CDC42BPB: variants seen among roughly 807,000 people sequenced by gnomAD.
CDC42BPB encodes CDC42 binding protein kinase beta.
In CDC42BPB, 37 loss-of-function variants were observed where a neutral mutation model predicts 214.9. That is an observed-to-expected ratio of 0.17 (90% CI 0.13 to 0.23). The LOEUF (loss-of-function observed/expected upper bound fraction) is 0.23, where lower values mean the gene tolerates loss of function less well. CDC42BPB is among the 10% of genes least tolerant of loss of function. CDC42BPB has a pLI of 1.00. For synonymous variants in CDC42BPB, 931 were observed against 884.0 expected (o/e 1.05, Z -0.94); for missense variants, 1,694 against 2,227.0 (o/e 0.76, Z 4.82).
chr14:102,998,855 G>A (rs545338202), intron 5 of CDC42BPB, among the ~76,000 whole-genome samples: 1 of 152,290 alleles, frequency 6.6e-6, no homozygotes, highest in South Asian at 2.1e-4. Context: ...TTTCAGGGTG[G>A]TAAGGACAGA....
At chr14:102,984,245 C>T (rs1391581489) in intron 6 of CDC42BPB, among the ~76,000 whole-genome samples, 1 of 152,160 alleles carries the variant, frequency 6.6e-6, no homozygotes, top group Non-Finnish European at 1.5e-5. Flanking sequence ...CAGTGTGATG[C>T]AGGGGCCACA....
intron 21 of CDC42BPB, among the ~76,000 whole-genome samples, chr14:102,957,605 G>A (rs1321796381): frequency 1.3e-5 from 2 of 152,232 alleles, no homozygotes; most frequent in African/African-American, 4.8e-5. Flanking sequence ...TGGATTTCAG[G>A]GAAAAGACAA....
chr14:102,980,073 C>T (rs747448266), intron 8 of CDC42BPB, among the ~76,000 whole-genome samples: 7 of 152,098 alleles, frequency 4.6e-5, no homozygotes, highest in Non-Finnish European at 7.4e-5. Flanking sequence ...ACTGAGAGGC[C>T]GCCACACTGC....
In CDC42BPB at chr14:102,943,632, G is replaced by A. The variant is rs981804636; in HGVS notation, c.4408+259C>T. ...GCCCAGGGGCCTATGCCCGCCGACG[G>A]GGTCCTCTGCTGAGGCCTCTGGAAG... On this transcript the variant is annotated intron_variant, in intron 30 of 36. Transcript: ENST00000361246. The surrounding 1 kb of genome is among the most constrained non-coding windows in gnomAD (Gnocchi z 4.6). Among the ~76,000 whole-genome samples the A allele has an allele frequency of 6.6e-6, 1 of 152,182 alleles. No individual in the cohort carries two copies. Among genetic ancestry groups the A allele is most frequent in the Non-Finnish European group, 1.5e-5 (1 of 68,032 alleles).
chr14:102,957,013 T>C (rs1281176665), intron 21 of CDC42BPB, among the ~76,000 whole-genome samples: 1 of 92,924 alleles, frequency 1.1e-5, no homozygotes, highest in Non-Finnish European at 2.0e-5. Flanking sequence ...ACCCCATCTC[T>C]ACTAAAAATA....
chr14:103,009,597 G>A (rs1886038695), intron 2 of CDC42BPB, among the ~76,000 whole-genome samples: 1 of 152,230 alleles, frequency 6.6e-6, no homozygotes, highest in South Asian at 2.1e-4. Context: ...GCAAAAAAGA[G>A]TACTAAAAAT....
intron 7 of CDC42BPB, 143 bp downstream of exon 7, chr14:102,983,413 T>A (rs1375358982): frequency 3.2e-6 from 4 of 1,263,804 alleles, no homozygotes; most frequent in Non-Finnish European, 4.3e-6. Context: ...CCAATCTGCC[T>A]GTCCCCAGTT....
chr14:102,966,086 G>A (rs1453982483), intron 18 of CDC42BPB, among the ~76,000 whole-genome samples, 196 bp downstream of exon 18: 1 of 152,186 alleles, frequency 6.6e-6, no homozygotes, highest in African/African-American at 2.4e-5. Context: ...TTTGCTAAAC[G>A]AATGAATGCT....
intron 21 of CDC42BPB, among the ~76,000 whole-genome samples, chr14:102,955,339 C>T (rs1298479480): frequency 6.6e-6 from 1 of 152,190 alleles, no homozygotes; most frequent in African/African-American, 2.4e-5. Context: ...ACGACAATCG[C>T]TTGAACCCAG....
At chr14:102,961,308 G>A (rs1015314273) in intron 20 of CDC42BPB, among the ~76,000 whole-genome samples, 15 of 151,676 alleles carry the variant, frequency 9.9e-5, no homozygotes, top group Non-Finnish European at 2.1e-4. Context: ...CTGAAAACTT[G>A]ACACACAAAA....
chr14:102,981,455 T>C (rs1313251844), intron 7 of CDC42BPB, among the ~76,000 whole-genome samples: 1 of 152,088 alleles, frequency 6.6e-6, no homozygotes, highest in Non-Finnish European at 1.5e-5. Context: ...AACTGCAAAT[T>C]ACCTACATGC....
At chr14:103,006,015 CAAAAAAAAAA>C in intron 3 of CDC42BPB, among the ~76,000 whole-genome samples, 1 of 58,164 alleles carries the variant, frequency 1.7e-5, no homozygotes, top group South Asian at 6.0e-4. Context: ...AGAGACGTCT[CAAAAAAAAAA>C]AAAAAAAAAA....
chr14:103,054,292 A>G (rs1289544798), intron 1 of CDC42BPB, among the ~76,000 whole-genome samples: 1 of 152,218 alleles, frequency 6.6e-6, no homozygotes, highest in African/African-American at 2.4e-5. Context: ...AGAATTCTCC[A>G]TAATTGTCAT....
chr14:102,937,437 A>G (rs1044839741), intron 36 of CDC42BPB, among the ~76,000 whole-genome samples: 2 of 152,234 alleles, frequency 1.3e-5, no homozygotes, highest in African/African-American at 4.8e-5. Context: ...AGCTGATGTT[A>G]AAACATCTCA....
At position 102,982,865 on chromosome 14, in the gene CDC42BPB, T is replaced by C. The variant is rs28485538; in HGVS notation, c.891+691A>G. ...CTGTACTCCAGCCTGGGCGACAGAG[T>C]GAGACTCCATCTCAAAAAAGAAAGA... On this transcript the variant is annotated intron_variant, in intron 7 of 36. Transcript: ENST00000361246. Among the ~76,000 whole-genome samples, 664 of 151,536 alleles carry C rather than the reference T, an allele frequency of 4.4e-3. 9 individuals carry two copies. The highest frequency in any genetic ancestry group is 0.016 in the African/African-American group (641 of 41,244).
At chr14:102,967,011 C>G (rs753029154) in intron 17 of CDC42BPB, 35 bp downstream of exon 17, 1 of 1,602,590 alleles carries the variant, frequency 6.2e-7, no homozygotes, top group Non-Finnish European at 8.5e-7. Flanking sequence ...GAGCAGGGAG[C>G]GGATTCACGG....
chr14:102,941,926 C>T (rs1248993246), intron 30 of CDC42BPB, among the ~76,000 whole-genome samples: 1 of 152,230 alleles, frequency 6.6e-6, no homozygotes, highest in African/African-American at 2.4e-5. Context: ...CTCTGAAACT[C>T]ATCTGCATCT....
rs1310084124 is a variant in CDC42BPB at position 102,939,912 on chromosome 14, T to A, written c.4627A>T (p.Ser1543Cys). 2 of 1,613,910 alleles carry A rather than the reference T, an allele frequency of 1.2e-6. No individual in the cohort carries two copies. Among genetic ancestry groups the A allele is most frequent in the Non-Finnish European group, 1.7e-6 (2 of 1,180,044 alleles). Residue 1543 changes from serine to cysteine, a missense_variant, in exon 33 of 37, where the codon AGC becomes TGC. Physicochemically the swap from Ser to Cys is moderately radical, Grantham distance 112 (BLOSUM62 -1). Around this residue, in one of 7 missense-constraint regions of CDC42BPB, gnomAD observed 567 missense variants for 790.3 expected, o/e 0.72. Transcript: ENST00000361246. ...VLNVPDTSDN[S>C]KKQMLRTRSK... The stretch of plus-strand genomic sequence containing the variant: ...CTGGTGCGCAGCATCTGCTTCTTGC[T>A]GTTGTCGGAGGTGTCCGGCACGTTG...
intron 1 of CDC42BPB, among the ~76,000 whole-genome samples, chr14:103,024,429 G>A (rs184448078): frequency 2.6e-5 from 4 of 152,146 alleles, no homozygotes; most frequent in African/African-American, 7.2e-5. Context: ...TTCCTACCCC[G>A]CATTAAGAAG....
Sources: gnomAD v4.1 joint callset for allele counts (sites outside exome capture counted in the v4.1 genomes callset) on GRCh38, gnomAD v4.1.1 for gene constraint, gnomAD v4.1.1 regional missense constraint, Gnocchi (gnomAD v3.1) non-coding constraint, MANE v1.5 for transcripts, NCBI Gene and HGNC (gene_info 2026-07-23, HGNC 2026-07-21) for gene names.